The following MEGF9 variants were observed in gnomAD, a reference collection of about 807,000 sequenced individuals.
MEGF9 encodes the protein multiple epidermal growth factor-like domains protein 9.
Under a neutral mutation model 46.8 loss-of-function variants are expected in MEGF9, and 6 were observed. The observed-to-expected ratio is 0.13, with a 90% CI of 0.07 to 0.25. The LOEUF is 0.25. Ranked by LOEUF, MEGF9 falls within the 10% of genes least tolerant of loss-of-function variation. The pLI is 1.00. For synonymous variants in MEGF9, 302 were observed against 330.7 expected, an observed-to-expected ratio of 0.91 and a Z score of 0.94; for missense variants, 683 against 792.4, an observed-to-expected ratio of 0.86 and a Z score of 1.66.
chr9:120,644,942 T>C (rs1447976899), intron 2 of MEGF9, among the ~76,000 whole-genome samples: 1 of 152,212 alleles, frequency 6.6e-6, no homozygotes, highest in Non-Finnish European at 1.5e-5. Context: ...AAGATTAAAT[T>C]TGTAGTTCCT....
At chr9:120,679,061 G>A (rs139104765) in intron 1 of MEGF9, among the ~76,000 whole-genome samples, 2,290 of 152,306 alleles carry the variant, frequency 0.015, 58 homozygotes, top group African/African-American at 0.052. Context: ...TTAGAAGACA[G>A]TGTGGCAATT....
At chr9:120,690,057 T>G in intron 1 of MEGF9, 1 of 483,054 alleles carries the variant, frequency 2.1e-6, no homozygotes, top group Admixed American at 2.3e-5. Flanking sequence ...ACTCAGATAT[T>G]TTCCAAAGAA....
In MEGF9 at chr9:120,612,314, CT is replaced by C. The variant is rs1437151684; in HGVS notation, c.1087+81del. 3 of 1,374,174 alleles carry C rather than the reference CT, an allele frequency of 2.2e-6. No individual in the cohort carries two copies. The African/African-American group carries it at 4.3e-5, about 20-fold the overall frequency. The allele number at this position is 1,374,174 out of a possible 1,614,324, so 85.1% of individuals were successfully genotyped here. ...TCCCTTTCACCTATAGCATCCAGAACTTTATTCATCAATGCAACTTATACCT... is the reference window on the plus strand; with the variant it reads ...TCCCTTTCACCTATAGCATCCAGAACTTATTCATCAATGCAACTTATACCT... On this transcript the variant is annotated intron_variant, in intron 4 of 5. Transcript: ENST00000373930.
intron 1 of MEGF9, among the ~76,000 whole-genome samples, chr9:120,674,594 G>A (rs925717745): frequency 1.3e-5 from 2 of 151,442 alleles, no homozygotes; most frequent in Non-Finnish European, 2.9e-5. Flanking sequence ...TTTGAGACAG[G>A]ATCTCACTTT....
intron 1 of MEGF9, among the ~76,000 whole-genome samples, chr9:120,707,193 C>G (rs2043932785): frequency 6.6e-6 from 1 of 152,126 alleles, no homozygotes; most frequent in Non-Finnish European, 1.5e-5. Context: ...TAGAACAGTG[C>G]CAGGAACATA....
rs549040888 is a variant in MEGF9, at chr9:120,617,743, G to A, written c.943+4873C>T. ...AAGAGAGGAGGCTGAAAGGCCAGAT[G>A]AGACTGTGCCAAAGTAGTTCAAAGA... is the stretch of plus-strand genomic sequence containing the variant. On this transcript the variant is annotated intron_variant, in intron 3 of 5. Transcript: ENST00000373930. 2.0e-5 allele frequency among the ~76,000 whole-genome samples: 3 copies of A among 152,340 alleles called. No homozygotes were observed. In the South Asian group the frequency reaches 6.2e-4, roughly 32 times the overall value.
At chr9:120,657,309 A>C (rs2043681570) in intron 2 of MEGF9, among the ~76,000 whole-genome samples, 1 of 152,218 alleles carries the variant, frequency 6.6e-6, no homozygotes, top group Non-Finnish European at 1.5e-5. Flanking sequence ...TATTTTCAGG[A>C]TAGGGTTTCA....
At chr9:120,672,579 C>T (rs1326377949) in intron 1 of MEGF9, among the ~76,000 whole-genome samples, 2 of 152,166 alleles carry the variant, frequency 1.3e-5, no homozygotes, top group African/African-American at 4.8e-5. Context: ...CATGATCACA[C>T]CACTCTACTC....
intron 2 of MEGF9, among the ~76,000 whole-genome samples, chr9:120,626,718 C>A (rs775049246): frequency 6.6e-6 from 1 of 152,082 alleles, no homozygotes; most frequent in Non-Finnish European, 1.5e-5. Flanking sequence ...TGGAAAAAAC[C>A]AGCCCGAGGA....
intron 4 of MEGF9, among the ~76,000 whole-genome samples, chr9:120,611,304 C>T (rs1442024975): frequency 6.6e-6 from 1 of 152,106 alleles, no homozygotes; most frequent in Non-Finnish European, 1.5e-5. Flanking sequence ...CAAATGTTCA[C>T]AGCAGCATTA....
At chr9:120,626,241 A>G (rs1487670392) in intron 2 of MEGF9, among the ~76,000 whole-genome samples, 1 of 152,232 alleles carries the variant, frequency 6.6e-6, no homozygotes, top group African/African-American at 2.4e-5. Context: ...CACAAAAATT[A>G]TATCAGAAAA....
At chr9:120,695,809 TGGAGG>T (rs2043874357) in intron 1 of MEGF9, among the ~76,000 whole-genome samples, 1 of 152,178 alleles carries the variant, frequency 6.6e-6, no homozygotes, top group Non-Finnish European at 1.5e-5. Flanking sequence ...CCTTCCTATT[TGGAGG>T]AATTCTCCAT....
At chr9:120,612,361 T>TC (rs772023413) in intron 4 of MEGF9, 35 bp downstream of exon 4, 20 of 1,581,418 alleles carry the variant, frequency 1.3e-5, no homozygotes, top group Admixed American at 3.8e-5. Flanking sequence ...GATTTTTTTT[T>TC]CCCTCTAAAA....
chr9:120,619,415 T>C (rs953982984), intron 3 of MEGF9, among the ~76,000 whole-genome samples: 1 of 152,164 alleles, frequency 6.6e-6, no homozygotes, highest in South Asian at 2.1e-4. Flanking sequence ...ACTGATTACT[T>C]GTGATGGACC....
chr9:120,708,098 C>T (rs566715017), intron 1 of MEGF9, among the ~76,000 whole-genome samples: 1 of 151,962 alleles, frequency 6.6e-6, no homozygotes, highest in Admixed American at 6.6e-5. Flanking sequence ...TAGCTCATGC[C>T]TGTAATCCTA....
At chr9:120,679,333 A>T (rs1312555103) in intron 1 of MEGF9, among the ~76,000 whole-genome samples, 1 of 152,174 alleles carries the variant, frequency 6.6e-6, no homozygotes, top group East Asian at 1.9e-4. Context: ...AGGGACACAG[A>T]TGAAGCTAGA....
chr9:120,601,025 G>A lies in MEGF9; in HGVS notation c.*4165C>T, dbSNP rs1412990628. The A allele has an allele frequency of 2.0e-5, 3 of 152,604 alleles. No individual in the cohort carries two copies. Among genetic ancestry groups the A allele is most frequent in the Non-Finnish European group, 4.4e-5 (3 of 68,028 alleles). 9.5% of individuals were successfully genotyped at this position (152,604 alleles called of 1,614,324 possible). ...ATACACAAATTTAGAAATGCATGATGAAGCCTAGTACAGCATATGTATGAG... is the reference window on the plus strand; with the variant it reads ...ATACACAAATTTAGAAATGCATGATAAAGCCTAGTACAGCATATGTATGAG... On this transcript the variant is annotated 3_prime_UTR_variant, in exon 6 of 6. Transcript: ENST00000373930.
At chr9:120,635,083 G>A (rs1011138526) in intron 2 of MEGF9, among the ~76,000 whole-genome samples, 1 of 151,966 alleles carries the variant, frequency 6.6e-6, no homozygotes, top group African/African-American at 2.4e-5. Flanking sequence ...AGCTTTTCTG[G>A]GTATAGTATT....
chr9:120,607,513 C>T (rs1312622847), intron 5 of MEGF9, among the ~76,000 whole-genome samples: 1 of 152,146 alleles, frequency 6.6e-6, no homozygotes, highest in Non-Finnish European at 1.5e-5. Context: ...AATGTGAGAA[C>T]ATTTTGTCTC....
Sources: gnomAD v4.1 joint callset for allele counts (sites outside exome capture counted in the v4.1 genomes callset) on GRCh38, gnomAD v4.1.1 for gene constraint, MANE v1.5 for transcripts, NCBI Gene and HGNC (gene_info 2026-07-23, HGNC 2026-07-21) for gene names.